The following FRAS1 variants were observed in gnomAD, a reference collection of about 807,000 sequenced individuals.
FRAS1 encodes the protein Fraser extracellular matrix complex subunit 1.
A neutral mutation model predicts 435.2 loss-of-function variants in FRAS1; 290 were observed. The observed-to-expected ratio is 0.67, with a 90% CI of 0.61 to 0.73. The LOEUF (loss-of-function observed/expected upper bound fraction) is 0.73, where lower values mean the gene tolerates loss of function less well. FRAS1 is among the 30% of genes least tolerant of loss of function. The pLI is 0.00. For synonymous variants in FRAS1, 1,800 were observed against 1,851.0 expected, an observed-to-expected ratio of 0.97 and a Z score of 0.71; for missense variants, 4,860 against 5,001.5, an observed-to-expected ratio of 0.97 and a Z score of 0.85.
At chr4:78,091,162 T>A (rs1338323925) in intron 2 of FRAS1, among the ~76,000 whole-genome samples, 1 of 151,924 alleles carries the variant, frequency 6.6e-6, no homozygotes, top group South Asian at 2.1e-4. Context: ...ATTTTTTTTT[T>A]ATTTCTACTA....
At chr4:78,181,597 T>C in intron 2 of FRAS1, 3 of 1,611,246 alleles carry the variant, frequency 1.9e-6, no homozygotes, top group Non-Finnish European at 2.5e-6. Flanking sequence ...CAACTGAAAA[T>C]TAGCCTCCTT....
intron 25 of FRAS1, among the ~76,000 whole-genome samples, chr4:78,375,302 A>G (rs72867937): frequency 0.017 from 2,630 of 152,322 alleles, 70 homozygotes; most frequent in African/African-American, 0.058. Context: ...ATTATAACAC[A>G]TGTAATCCTC....
chr4:78,116,997 C>A (rs1259027602), intron 2 of FRAS1, among the ~76,000 whole-genome samples: 2 of 152,206 alleles, frequency 1.3e-5, no homozygotes, highest in African/African-American at 4.8e-5. Context: ...TTTAGTGCTT[C>A]CTTCAGGAGT....
intron 6 of FRAS1, among the ~76,000 whole-genome samples, chr4:78,260,813 C>G (rs1242669545): frequency 6.6e-6 from 1 of 152,138 alleles, no homozygotes; most frequent in Non-Finnish European, 1.5e-5. Context: ...CAGTTTTTGC[C>G]CATTCAGTAT....
chr4:78,073,922 A>G (rs1740491243), intron 2 of FRAS1, among the ~76,000 whole-genome samples: 3 of 152,200 alleles, frequency 2.0e-5, no homozygotes, highest in Admixed American at 2.0e-4. Flanking sequence ...AGAGGCATAT[A>G]GCTTCTGGTG....
intron 2 of FRAS1, among the ~76,000 whole-genome samples, chr4:78,211,421 C>A (rs945925295): frequency 6.6e-6 from 1 of 152,130 alleles, no homozygotes; most frequent in South Asian, 2.1e-4. Flanking sequence ...ATTCTGACAC[C>A]CTAATAGAAG....
chr4:78,135,111 G>C, intron 2 of FRAS1, among the ~76,000 whole-genome samples: 1 of 152,230 alleles, frequency 6.6e-6, no homozygotes, highest in African/African-American at 2.4e-5. Context: ...TATTACAAAA[G>C]AGAGATAAGC....
intron 2 of FRAS1, among the ~76,000 whole-genome samples, chr4:78,081,699 TG>T (rs1740904281): frequency 6.6e-6 from 1 of 152,126 alleles, no homozygotes; most frequent in Admixed American, 6.6e-5. Flanking sequence ...AGATAGAATC[TG>T]GGAGCCTCAG....
chr4:78,531,244 G>T (rs1721703041), intron 70 of FRAS1, among the ~76,000 whole-genome samples: 1 of 152,220 alleles, frequency 6.6e-6, no homozygotes. Context: ...TTGGTGCTGA[G>T]ACAATGGGGT....
rs1256534640 is a variant in FRAS1, at chr4:78,084,860, A to G, written c.108+18844A>G. Among the ~76,000 whole-genome samples the G allele has an allele frequency of 2.0e-5, 3 of 152,192 alleles. No individual in the cohort carries two copies. The East Asian group carries it at 5.8e-4, about 29-fold the overall frequency. On this transcript the variant is annotated intron_variant, in intron 2 of 73. Coordinates refer to ENST00000512123, the MANE Select transcript of FRAS1 (RefSeq NM_025074.7). Reference sequence around the variant, plus strand: ...CAGTGAACAGAGCTAAAAAATACATATTTCCTTTTAAAGAGAAAATGAAGC... The same window carrying G: ...CAGTGAACAGAGCTAAAAAATACATGTTTCCTTTTAAAGAGAAAATGAAGC...
chr4:78,455,761 G>A (rs1047471140), intron 47 of FRAS1, among the ~76,000 whole-genome samples: 16 of 152,104 alleles, frequency 1.1e-4, no homozygotes, highest in African/African-American at 3.6e-4. Context: ...CCTTGTATGC[G>A]CTGTCTTTTC....
intron 2 of FRAS1, among the ~76,000 whole-genome samples, chr4:78,104,432 T>C (rs1742287588): frequency 6.6e-6 from 1 of 152,206 alleles, no homozygotes; most frequent in Admixed American, 6.5e-5. Flanking sequence ...CACTAAGATT[T>C]TTCTTCCTTT....
rs539937783 is a variant in FRAS1 at position 78,420,746 on chromosome 4, G to C, written c.4541-1117G>C. On this transcript the variant is annotated intron_variant, in intron 33 of 73. Transcript: ENST00000512123. ...CCTTTGAATTGAAACTCAACTGAGA[G>C]AATCTCATAATTACATTACCAAGTC... Among the ~76,000 whole-genome samples the C allele has an allele frequency of 2.0e-5, 3 of 151,864 alleles. No individual in the cohort carries two copies. The South Asian group carries it at 6.3e-4, about 32-fold the overall frequency.
intron 19 of FRAS1, among the ~76,000 whole-genome samples, chr4:78,336,224 G>C (rs1436199543): frequency 6.6e-6 from 1 of 152,150 alleles, no homozygotes; most frequent in African/African-American, 2.4e-5. Flanking sequence ...AATCTCTGCA[G>C]TCCCCTGGTG....
intron 20 of FRAS1, among the ~76,000 whole-genome samples, chr4:78,353,756 C>A (rs375479136): frequency 5.7e-5 from 1 of 17,688 alleles, no homozygotes; most frequent in Non-Finnish European, 9.7e-5. Context: ...GAACAAAAAA[C>A]CAAACACCGC....
intron 2 of FRAS1, among the ~76,000 whole-genome samples, chr4:78,095,418 T>C (rs1218420513): frequency 6.6e-6 from 1 of 152,234 alleles, no homozygotes. Flanking sequence ...CTCACTATTA[T>C]GTTATCTTGG....
intron 49 of FRAS1, among the ~76,000 whole-genome samples, chr4:78,465,716 T>A (rs79242476): frequency 0.3 from 46,248 of 151,918 alleles, 8,216 homozygotes; most frequent in Admixed American, 0.4. Context: ...TGGTTAGGCC[T>A]TGGCATTTTG....
intron 2 of FRAS1, among the ~76,000 whole-genome samples, chr4:78,175,020 C>A (rs1469819364): frequency 6.6e-6 from 1 of 152,206 alleles, no homozygotes; most frequent in African/African-American, 2.4e-5. Flanking sequence ...ATTATTGCAT[C>A]TCAGCAGGCT....
intron 9 of FRAS1, among the ~76,000 whole-genome samples, chr4:78,268,944 G>A (rs993947436): frequency 6.6e-6 from 1 of 152,118 alleles, no homozygotes; most frequent in South Asian, 2.1e-4. Context: ...GAGTTCTGAT[G>A]CCTCACCTAT....
Sources: gnomAD v4.1 joint callset for allele counts (sites outside exome capture counted in the v4.1 genomes callset) on GRCh38, gnomAD v4.1.1 for gene constraint, MANE v1.5 for transcripts, NCBI Gene and HGNC (gene_info 2026-07-23, HGNC 2026-07-21) for gene names.